The following FBN2 variants were observed in gnomAD, a reference collection of about 807,000 sequenced individuals.
The protein encoded by FBN2 is fibrillin-2.
FBN2 carries 105 observed loss-of-function variants against 355.6 expected under a neutral mutation model. The observed-to-expected ratio is 0.30, with a 90% CI of 0.25 to 0.35. The LOEUF (loss-of-function observed/expected upper bound fraction) is 0.35. Among genes scored for constraint, FBN2 ranks in the 10% least tolerant of loss-of-function variants. The pLI is 1.00. For synonymous variants in FBN2, 1,350 were observed against 1,301.2 expected (o/e 1.04, Z -0.81); for missense variants, 3,280 against 3,758.7 (o/e 0.87, Z 3.33).
At chr5:128,448,310 C>CTT (rs879871953) in intron 6 of FBN2, among the ~76,000 whole-genome samples, 2 of 145,578 alleles carry the variant, frequency 1.4e-5, no homozygotes, top group Middle Eastern at 3.2e-3. Context: ...AATTTTCTTT[C>CTT]TTTTTTTTTT....
chr5:128,344,561 G>C (rs935273256), intron 24 of FBN2, 51 bp from the exon 25 acceptor site: 4 of 1,586,642 alleles, frequency 2.5e-6, no homozygotes, highest in Non-Finnish European at 3.5e-6. Flanking sequence ...TAAACGATTA[G>C]GTCCATCACT....
intron 57 of FBN2, 136 bp downstream of exon 57, chr5:128,278,499 T>C (rs1473694745): frequency 2.7e-6 from 2 of 750,938 alleles, no homozygotes; most frequent in Admixed American, 2.1e-5. Flanking sequence ...AAAACACACA[T>C]CAAATATAAA....
intron 36 of FBN2, 110 bp from the exon 37 acceptor site, chr5:128,312,905 A>C (rs1009157195): frequency 1.6e-6 from 2 of 1,224,452 alleles, no homozygotes; most frequent in Non-Finnish European, 2.4e-6. Flanking sequence ...GTTAACATGA[A>C]AGGTTCCTTT....
chr5:128,512,802 C>A (rs1192414239), intron 5 of FBN2, among the ~76,000 whole-genome samples: 2 of 152,106 alleles, frequency 1.3e-5, no homozygotes, highest in South Asian at 2.1e-4. Flanking sequence ...TTTCTAATAA[C>A]CAGCCACCAC....
intron 7 of FBN2, among the ~76,000 whole-genome samples, chr5:128,424,203 C>A (rs1006627909): frequency 1.3e-5 from 2 of 151,942 alleles, no homozygotes; most frequent in African/African-American, 4.8e-5. Flanking sequence ...GTTTTGGGAG[C>A]CAACTGCTTA....
intron 25 of FBN2, among the ~76,000 whole-genome samples, chr5:128,339,978 G>T (rs947664620): frequency 3.3e-5 from 5 of 151,944 alleles, no homozygotes; most frequent in African/African-American, 1.2e-4. Context: ...AACACCTGAG[G>T]ACTGTGTGGG....
intron 9 of FBN2, among the ~76,000 whole-genome samples, chr5:128,394,407 T>C (rs963178989): frequency 1.3e-5 from 2 of 152,258 alleles, no homozygotes; most frequent in African/African-American, 2.4e-5. Context: ...CATCATACTC[T>C]TGTATGATTA....
chr5:128,387,584 T>C (rs1752401042), intron 11 of FBN2, among the ~76,000 whole-genome samples: 1 of 152,164 alleles, frequency 6.6e-6, no homozygotes, highest in Non-Finnish European at 1.5e-5. Flanking sequence ...AACTTTTTGA[T>C]GTGGGATTTT....
chr5:128,453,911 G>A (rs1391633326), intron 6 of FBN2, among the ~76,000 whole-genome samples: 2 of 151,612 alleles, frequency 1.3e-5, no homozygotes, highest in African/African-American at 4.9e-5. Context: ...CTTCCTCTTT[G>A]TCCTTCCACC....
intron 20 of FBN2, among the ~76,000 whole-genome samples, chr5:128,356,402 C>T (rs39940): frequency 0.18 from 26,621 of 152,118 alleles, 3,575 homozygotes; most frequent in East Asian, 0.78. Flanking sequence ...CTATTGTCTT[C>T]GACAAATATG....
At chr5:128,415,385 G>A (rs560642123) in intron 7 of FBN2, among the ~76,000 whole-genome samples, 21 of 152,062 alleles carry the variant, frequency 1.4e-4, no homozygotes, top group African/African-American at 3.4e-4. Flanking sequence ...CCCAGCCTTT[G>A]GTAACTCTTA....
At chr5:128,356,713 T>C (rs918352481) in intron 20 of FBN2, among the ~76,000 whole-genome samples, 1 of 152,240 alleles carries the variant, frequency 6.6e-6, no homozygotes, top group African/African-American at 2.4e-5. Context: ...TTTTGAGACA[T>C]ATTGAAAGAT....
intron 7 of FBN2, among the ~76,000 whole-genome samples, chr5:128,438,975 C>T (rs1581296381): frequency 6.6e-6 from 1 of 152,170 alleles, no homozygotes; most frequent in South Asian, 2.1e-4. Flanking sequence ...CACACACATA[C>T]ACACACACAC....
chr5:128,311,365 A>G lies in FBN2; in HGVS notation c.5009T>C (p.Phe1670Ser). The G allele has an allele frequency of 6.2e-7, 1 of 1,614,088 alleles. No homozygotes were observed. The highest frequency in any genetic ancestry group is 8.5e-7 in the Non-Finnish European group (1 of 1,179,940). Residue 1670 changes from phenylalanine (F) to serine (S), a missense_variant, in exon 39 of 65, where the codon TTT becomes TCT. Transcript: ENST00000262464. ...LCQGGNCINTFGSFQCECPQG... is the reference protein window; with the variant it reads ...LCQGGNCINTSGSFQCECPQG... ...TGGGCACTCACACTGGAAGCTCCCA[A>G]AAGTGTTGATGCAGTTTCCACCCTG...
intron 6 of FBN2, among the ~76,000 whole-genome samples, chr5:128,461,133 T>A (rs955924808): frequency 2.6e-5 from 4 of 151,996 alleles, no homozygotes; most frequent in African/African-American, 9.7e-5. Flanking sequence ...CCAGAATTTA[T>A]AAGGAACTTA....
Position 128,290,830 on chromosome 5 carries a change from G to C in FBN2, c.6347C>G (p.Pro2116Arg). 3 of 1,613,898 alleles carry C rather than the reference G, an allele frequency of 1.9e-6. No homozygotes were observed. The highest frequency in any genetic ancestry group is 2.5e-6 in the Non-Finnish European group (3 of 1,179,864). The change falls in exon 50 of 65, where the codon CCC becomes CGC. Residue 2116 changes from proline (P) to arginine (R), a missense_variant. Pro to Arg is a moderately radical substitution (Grantham distance 103). This residue lies in a region of FBN2 where 2,284 missense variants were observed against 2,749.5 expected (regional missense o/e 0.83). Transcript: ENST00000262464. ...TGCTTTTGTGGTGTTGAAAGCTTTG[G>C]GTACAGAACACTTTCCATTTTCAAA... The part of the protein sequence containing the change: ...TNFENGKCSV[P>R]KAFNTTKAKC...
chr5:128,429,438 A>T (rs1753564386), intron 7 of FBN2, among the ~76,000 whole-genome samples: 1 of 152,226 alleles, frequency 6.6e-6, no homozygotes, highest in Non-Finnish European at 1.5e-5. Flanking sequence ...CTTCTTAAAG[A>T]GGAACAGATT....
intron 13 of FBN2, 109 bp from the exon 14 acceptor site, chr5:128,376,962 C>A: frequency 7.3e-7 from 1 of 1,366,276 alleles, no homozygotes; most frequent in Non-Finnish European, 1.0e-6. Context: ...GAGCCATGTG[C>A]TCATGGCTTT....
chr5:128,444,542 C>T (rs1754016274), intron 7 of FBN2, among the ~76,000 whole-genome samples: 1 of 152,146 alleles, frequency 6.6e-6, no homozygotes, highest in African/African-American at 2.4e-5. Context: ...CCCACCAATC[C>T]CAAATATTAA....
Sources: allele counts gnomAD v4.1 joint callset (sites outside exome capture counted in the v4.1 genomes callset), GRCh38; gene constraint gnomAD v4.1.1; regional missense constraint gnomAD v4.1.1; transcripts MANE v1.5; gene names NCBI Gene and HGNC (gene_info 2026-07-23, HGNC 2026-07-21).